ASAP1: variants seen among roughly 807,000 people sequenced by gnomAD.
The protein encoded by ASAP1 is ArfGAP with SH3 domain, ankyrin repeat and PH domain 1.
A neutral mutation model predicts 145.2 loss-of-function variants in ASAP1; 43 were observed. That is an observed-to-expected ratio of 0.30 (90% confidence interval 0.23 to 0.38). The LOEUF is 0.38. Among genes scored for constraint, ASAP1 ranks in the 10% least tolerant of loss-of-function variants. The probability of loss-of-function intolerance (pLI) is 1.00; values close to 1 mark genes in which losing one functional copy is unlikely to be tolerated. For synonymous variants in ASAP1, 546 were observed against 515.5 expected, an observed-to-expected ratio of 1.06 and a Z score of -0.80; for missense variants, 1,018 against 1,355.3, an observed-to-expected ratio of 0.75 and a Z score of 3.91.
At chr8:130,234,143 T>A (rs1231029100) in intron 4 of ASAP1, among the ~76,000 whole-genome samples, 1 of 152,150 alleles carries the variant, frequency 6.6e-6, no homozygotes, top group Non-Finnish European at 1.5e-5. Context: ...TACAATGGGA[T>A]ACATGTTCTC....
At chr8:130,193,088 GA>G (rs573555170) in intron 5 of ASAP1, among the ~76,000 whole-genome samples, 125 of 152,222 alleles carry the variant, frequency 8.2e-4, no homozygotes, top group Non-Finnish European at 1.5e-3. Context: ...TAACAAGGAG[GA>G]AAAAAGGCCA....
chr8:130,383,111 C>T (rs1167524816), intron 2 of ASAP1, among the ~76,000 whole-genome samples: 1 of 152,136 alleles, frequency 6.6e-6, no homozygotes, highest in South Asian at 2.1e-4. Flanking sequence ...CAAGGGCTTG[C>T]AAGGCTCTAT....
chr8:130,204,598 T>C (rs1816083984), intron 5 of ASAP1, among the ~76,000 whole-genome samples: 1 of 152,220 alleles, frequency 6.6e-6, no homozygotes, highest in South Asian at 2.1e-4. Flanking sequence ...GCTAGGTAGG[T>C]GGGGCCAAGA....
chr8:130,386,258 T>G (rs1378842203), intron 2 of ASAP1, among the ~76,000 whole-genome samples: 1 of 152,224 alleles, frequency 6.6e-6, no homozygotes, highest in Non-Finnish European at 1.5e-5. Flanking sequence ...CAGTCATTTC[T>G]GGGGCCAGGT....
At chr8:130,300,232 A>T (rs757611251) in intron 3 of ASAP1, among the ~76,000 whole-genome samples, 5 of 150,274 alleles carry the variant, frequency 3.3e-5, no homozygotes, top group Non-Finnish European at 7.4e-5. Flanking sequence ...AGGTCCCAGA[A>T]TTTCACAGTG....
intron 2 of ASAP1, among the ~76,000 whole-genome samples, chr8:130,396,088 A>T: frequency 6.6e-6 from 1 of 152,070 alleles, no homozygotes; most frequent in East Asian, 1.9e-4. Context: ...GTTTCCCTTG[A>T]TATCCTGGCA....
intron 3 of ASAP1, among the ~76,000 whole-genome samples, chr8:130,310,720 A>G (rs966336532): frequency 1.3e-5 from 2 of 152,196 alleles, no homozygotes; most frequent in African/African-American, 2.4e-5. Context: ...TTATTGAGCA[A>G]GCATGTTAAA....
intron 4 of ASAP1, among the ~76,000 whole-genome samples, chr8:130,222,541 A>G (rs1438329560): frequency 6.6e-6 from 1 of 152,192 alleles, no homozygotes; most frequent in African/African-American, 2.4e-5. Flanking sequence ...TGACACACTC[A>G]GGAAAGACTA....
intron 5 of ASAP1, among the ~76,000 whole-genome samples, chr8:130,196,965 C>T (rs909900290): frequency 1.3e-5 from 2 of 152,202 alleles, no homozygotes; most frequent in Non-Finnish European, 2.9e-5. Flanking sequence ...AAACTGATGC[C>T]TCGTCATTAG....
intron 25 of ASAP1, among the ~76,000 whole-genome samples, chr8:130,090,468 C>T (rs193151528): frequency 6.6e-6 from 1 of 152,332 alleles, no homozygotes; most frequent in East Asian, 1.9e-4. Context: ...TCTTTATGTA[C>T]ATATGTGCTA....
intron 4 of ASAP1, among the ~76,000 whole-genome samples, chr8:130,216,478 C>T (rs975726669): frequency 1.3e-5 from 2 of 152,156 alleles, no homozygotes; most frequent in Non-Finnish European, 2.9e-5. Flanking sequence ...ACAATAACCC[C>T]CACTGCCTTG....
rs762635077 is a variant in ASAP1, at chr8:130,054,745, T to C, written c.3376A>G (p.Ile1126Val). 54 of 1,613,474 alleles carry C rather than the reference T, an allele frequency of 3.3e-5. No individual in the cohort carries two copies. Among genetic ancestry groups the C allele is most frequent in the Non-Finnish European group, 4.5e-5 (53 of 1,179,612 alleles). The part of the protein sequence containing the change: ...KGVFPVSFVH[I>V]LSD ...TCTGCGTTTTGCTAGTCAGACAGGA[T>C]ATGAACAAAGGACACTGGAAAGACC... Residue 1126 changes from isoleucine (I) to valine (V), a missense_variant, in exon 30 of 30, where the codon ATC becomes GTC. Transcript: ENST00000518721.
At chr8:130,345,001 G>T (rs1825620499) in intron 3 of ASAP1, among the ~76,000 whole-genome samples, 1 of 152,160 alleles carries the variant, frequency 6.6e-6, no homozygotes, top group Non-Finnish European at 1.5e-5. Context: ...TCAAAGTGAA[G>T]GGGGAGACTG....
At chr8:130,217,381 G>A (rs1049915299) in intron 4 of ASAP1, among the ~76,000 whole-genome samples, 3 of 150,770 alleles carry the variant, frequency 2.0e-5, no homozygotes, top group Non-Finnish European at 4.4e-5. Flanking sequence ...TCCTTTAGTT[G>A]GAAACAATCC....
intron 3 of ASAP1, among the ~76,000 whole-genome samples, chr8:130,255,806 C>T (rs1202362401): frequency 6.6e-6 from 1 of 152,160 alleles, no homozygotes; most frequent in Non-Finnish European, 1.5e-5. Flanking sequence ...AAGATGGTCA[C>T]ATACCAGAAA....
chr8:130,227,805 TTCAGA>T (rs1231616461), intron 4 of ASAP1, among the ~76,000 whole-genome samples: 1 of 152,118 alleles, frequency 6.6e-6, no homozygotes, highest in African/African-American at 2.4e-5. Flanking sequence ...TTGTTTTAAG[TTCAGA>T]TAACGTGTGT....
intron 4 of ASAP1, among the ~76,000 whole-genome samples, chr8:130,232,595 C>G (rs1423310904): frequency 2.7e-5 from 4 of 150,472 alleles, no homozygotes; most frequent in East Asian, 3.9e-4. Flanking sequence ...ATCTTGAAAC[C>G]AAAGGGCTTG....
chr8:130,316,546 A>C (rs1823673625), intron 3 of ASAP1, among the ~76,000 whole-genome samples: 2 of 152,228 alleles, frequency 1.3e-5, no homozygotes, highest in African/African-American at 2.4e-5. Context: ...TACTAGTGTT[A>C]TTTATATGGG....
At chr8:130,380,463 G>T (rs1438509016) in intron 2 of ASAP1, among the ~76,000 whole-genome samples, 2 of 152,156 alleles carry the variant, frequency 1.3e-5, no homozygotes, top group Non-Finnish European at 2.9e-5. Context: ...AGGGTGCAGG[G>T]TGCAGGGAAC....
Sources: gnomAD v4.1 joint callset for allele counts (sites outside exome capture counted in the v4.1 genomes callset) on GRCh38, gnomAD v4.1.1 for gene constraint, MANE v1.5 for transcripts, NCBI Gene and HGNC (gene_info 2026-07-23, HGNC 2026-07-21) for gene names.